The following BRDT variants were observed in gnomAD, a reference collection of about 807,000 sequenced individuals.
BRDT encodes bromodomain testis-specific protein.
Under a neutral mutation model 113.9 loss-of-function variants are expected in BRDT, and 77 were observed. The ratio of observed to expected loss-of-function variants is 0.68; its 90% CI spans 0.56 to 0.82. The LOEUF is 0.82. Ranked by LOEUF, BRDT falls within the 40% of genes least tolerant of loss-of-function variation. BRDT has a pLI of 0.00. For missense variants in BRDT, 1,027 were observed against 1,105.4 expected, an observed-to-expected ratio of 0.93 and a Z score of 1.01; for synonymous variants, 358 against 366.5, an observed-to-expected ratio of 0.98 and a Z score of 0.26.
rs1452745232 is a variant in BRDT at position 91,977,400 on chromosome 1, G to A, written c.969+7G>A. ...GGATCTTGGAACTATTAAGGTAAATGTTGCCTTAAAAGGAAGAACTTCTTT... is the reference window on the plus strand; with the variant it reads ...GGATCTTGGAACTATTAAGGTAAATATTGCCTTAAAAGGAAGAACTTCTTT... On this transcript the variant is annotated splice_region_variant and intron_variant, in intron 6 of 18. Transcript: ENST00000399546. 6.6e-7 allele frequency: 1 copy of A among 1,506,698 alleles called. No homozygotes were observed. The allele number at this position is 1,506,698 out of a possible 1,614,324, so 93.3% of individuals were successfully genotyped here.
intron 15 of BRDT, among the ~76,000 whole-genome samples, chr1:91,995,698 G>T (rs1235426460): frequency 1.3e-5 from 2 of 148,708 alleles, no homozygotes; most frequent in East Asian, 4.0e-4. Context: ...GTGCAGTGGT[G>T]CAATCTTGGC....
At chr1:91,959,259 T>A (rs1025581143) in intron 1 of BRDT, among the ~76,000 whole-genome samples, 1 of 152,174 alleles carries the variant, frequency 6.6e-6, no homozygotes, top group East Asian at 1.9e-4. Context: ...CTGTAGTGAT[T>A]GGAGTGGTTA....
intron 15 of BRDT, 68 bp from the exon 16 acceptor site, chr1:92,001,980 TA>T: frequency 8.4e-7 from 1 of 1,185,628 alleles, no homozygotes; most frequent in Non-Finnish European, 1.2e-6. Flanking sequence ...GAAGGAAAAA[TA>T]AAATCAAATT....
intron 16 of BRDT, 66 bp downstream of exon 16, chr1:92,002,215 A>G (rs943893252): frequency 8.8e-7 from 1 of 1,141,368 alleles, no homozygotes; most frequent in Non-Finnish European, 1.3e-6. Context: ...GAAGTGGTAC[A>G]AGAGGTATTT....
At chr1:92,009,160 CT>C (rs1332108106) in intron 18 of BRDT, among the ~76,000 whole-genome samples, 1 of 152,176 alleles carries the variant, frequency 6.6e-6, no homozygotes, top group African/African-American at 2.4e-5. Context: ...ATTTCATTCT[CT>C]GCTTCTATGG....
At chr1:91,982,577 C>A (rs1470539389) in intron 12 of BRDT, among the ~76,000 whole-genome samples, 1 of 152,134 alleles carries the variant, frequency 6.6e-6, no homozygotes, top group Admixed American at 6.6e-5. Context: ...TTTAAAGAAA[C>A]ATCTCACACA....
intron 2 of BRDT, among the ~76,000 whole-genome samples, chr1:91,963,788 C>CTTTTTTTTTTTTTTTTTT (rs57708341): frequency 1.7e-5 from 2 of 119,562 alleles, no homozygotes; most frequent in Non-Finnish European, 3.5e-5. Context: ...TCTTTATTGG[C>CTTTTTTTTTTTTTTTTTT]TTTTTTTTTT....
chr1:91,975,181 AATG>A (rs1684013968), intron 4 of BRDT, among the ~76,000 whole-genome samples: 1 of 152,108 alleles, frequency 6.6e-6, no homozygotes, highest in African/African-American at 2.4e-5. Context: ...GCCTAATGTA[AATG>A]ATGAGTTAAT....
chr1:92,001,002 T>C (rs1686781828), intron 15 of BRDT, among the ~76,000 whole-genome samples: 1 of 152,212 alleles, frequency 6.6e-6, no homozygotes, highest in Non-Finnish European at 1.5e-5. Flanking sequence ...AGAGTCAGAC[T>C]TACTGCGTTT....
At chr1:91,960,361 TAAAAG>T (rs1294696021) in intron 1 of BRDT, among the ~76,000 whole-genome samples, 3 of 152,320 alleles carry the variant, frequency 2.0e-5, no homozygotes, top group East Asian at 3.9e-4. Context: ...TATTTAGCCT[TAAAAG>T]GAAGGGAAAT....
chr1:91,968,279 A>C lies in BRDT; in HGVS notation c.445+19A>C. The C allele has an allele frequency of 6.2e-7, 1 of 1,611,344 alleles. No individual in the cohort carries two copies. The highest frequency in any genetic ancestry group is 2.2e-5 in the East Asian group (1 of 44,790). ...AAGAAAGGTAAGGCAGGAGGTAAAC[A>C]CTTTATGGTTCTCTCTCTTTTTTTC... On this transcript the variant is annotated intron_variant, in intron 4 of 18. Coordinates refer to ENST00000399546, the MANE Select transcript of BRDT (RefSeq NM_207189.4).
At chr1:92,002,227 A>C in intron 16 of BRDT, 78 bp downstream of exon 16, 1 of 1,007,810 alleles carries the variant, frequency 9.9e-7, no homozygotes, top group Non-Finnish European at 1.5e-6. Flanking sequence ...GAGGTATTTA[A>C]AAGCCCTGAC....
chr1:91,963,634 G>T (rs563421844), intron 2 of BRDT, among the ~76,000 whole-genome samples: 1 of 152,200 alleles, frequency 6.6e-6, no homozygotes, highest in South Asian at 2.1e-4. Context: ...TAATGCAATG[G>T]TTGAGTAGTT....
At chr1:92,010,118 T>A (rs1451200184) in intron 18 of BRDT, among the ~76,000 whole-genome samples, 5 of 152,174 alleles carry the variant, frequency 3.3e-5, no homozygotes, top group East Asian at 3.8e-4. Flanking sequence ...TTTGTTGAGC[T>A]TATTCAAGTT....
At chr1:91,962,243 AT>A (rs1213755574) in intron 1 of BRDT, among the ~76,000 whole-genome samples, 1 of 141,254 alleles carries the variant, frequency 7.1e-6, no homozygotes, top group Non-Finnish European at 1.5e-5. Context: ...TATATAAAAA[AT>A]TTGTATTTGT....
intron 12 of BRDT, among the ~76,000 whole-genome samples, chr1:91,984,748 C>T (rs1447502783): frequency 6.6e-6 from 1 of 152,090 alleles, no homozygotes; most frequent in Non-Finnish European, 1.5e-5. Context: ...CCTCCTGCCT[C>T]AGCCTGCCAA....
chr1:91,953,786 A>G (rs942982951), intron 1 of BRDT, among the ~76,000 whole-genome samples: 18 of 152,228 alleles, frequency 1.2e-4, no homozygotes, highest in African/African-American at 4.3e-4. Context: ...GGGATGCTAC[A>G]CTATTGTGTG....
intron 3 of BRDT, among the ~76,000 whole-genome samples, chr1:91,967,687 C>T (rs1349854583): frequency 6.6e-6 from 1 of 152,176 alleles, no homozygotes; most frequent in African/African-American, 2.4e-5. Context: ...CGTGAGCCAC[C>T]GCGCCCAGCC....
chr1:91,987,681 A>G (rs1685384525), intron 12 of BRDT, among the ~76,000 whole-genome samples: 1 of 137,944 alleles, frequency 7.2e-6, no homozygotes, highest in South Asian at 2.5e-4. Flanking sequence ...TTTTTAAATC[A>G]TATTATGTTC....
Sources: gnomAD v4.1 joint callset for allele counts (sites outside exome capture counted in the v4.1 genomes callset) on GRCh38, gnomAD v4.1.1 for gene constraint, MANE v1.5 for transcripts, NCBI Gene and HGNC (gene_info 2026-07-23, HGNC 2026-07-21) for gene names.